SMARCD1: variants seen among roughly 807,000 people sequenced by gnomAD.
SMARCD1 encodes the protein SWI/SNF-related matrix-associated actin-dependent regulator of chromatin subfamily D member 1.
A neutral mutation model predicts 70.8 loss-of-function variants in SMARCD1; 16 were observed. The ratio of observed to expected loss-of-function variants is 0.23; its 90% confidence interval spans 0.15 to 0.34. The LOEUF (loss-of-function observed/expected upper bound fraction) is 0.34, where lower values mean the gene tolerates loss of function less well. Among genes scored for constraint, SMARCD1 ranks in the 10% least tolerant of loss-of-function variants. The pLI is 1.00. For synonymous variants in SMARCD1, 249 were observed against 246.0 expected (o/e 1.01, Z -0.11); for missense variants, 409 against 655.5 (o/e 0.62, Z 4.11).
intron 5 of SMARCD1, among the ~76,000 whole-genome samples, chr12:50,087,803 C>T (rs1950805059): frequency 6.6e-6 from 1 of 151,624 alleles, no homozygotes; most frequent in South Asian, 2.1e-4. Flanking sequence ...CGAGTTTGCA[C>T]TTAATTTGAG....
intron 9 of SMARCD1, among the ~76,000 whole-genome samples, chr12:50,093,623 C>T (rs1430558201): frequency 6.6e-6 from 1 of 152,058 alleles, no homozygotes; most frequent in Non-Finnish European, 1.5e-5. Flanking sequence ...GCTGGGACCA[C>T]AGATGTGTGC....
intron 2 of SMARCD1, 69 bp from the exon 3 acceptor site, chr12:50,086,552 T>C: frequency 1.3e-6 from 2 of 1,491,176 alleles, no homozygotes; most frequent in South Asian, 2.3e-5. Flanking sequence ...TAAATGGACG[T>C]GCTGACAGCT....
intron 1 of SMARCD1, 33 bp from the exon 2 acceptor site, chr12:50,086,128 C>T: frequency 6.9e-7 from 1 of 1,441,272 alleles, no homozygotes; most frequent in East Asian, 2.4e-5. Flanking sequence ...GCAGGTGAAA[C>T]CATGACATCT....
At chr12:50,090,984 C>T (rs1298203645) in intron 9 of SMARCD1, among the ~76,000 whole-genome samples, 1 of 151,910 alleles carries the variant, frequency 6.6e-6, no homozygotes. Flanking sequence ...GTCACCACAC[C>T]TGGCTAATTT....
At chr12:50,095,657 T>C (rs952130078) in intron 10 of SMARCD1, among the ~76,000 whole-genome samples, 1 of 152,016 alleles carries the variant, frequency 6.6e-6, no homozygotes, top group Non-Finnish European at 1.5e-5. Flanking sequence ...AAAGTGGGTG[T>C]TAATGAAAGG....
At chr12:50,085,660 T>G in intron 1 of SMARCD1, 114 bp downstream of exon 1, 2 of 319,344 alleles carry the variant, frequency 6.3e-6, no homozygotes, top group African/African-American at 2.7e-5. Context: ...GGGTTCGGGC[T>G]CTGGGTGGGG....
chr12:50,090,249 G>C lies in SMARCD1; in HGVS notation c.882G>C (p.Gln294His), dbSNP rs778155149. 1 of 1,612,058 alleles carries C rather than the reference G, an allele frequency of 6.2e-7. No individual in the cohort carries two copies. The highest frequency in any genetic ancestry group is 8.5e-7 in the Non-Finnish European group (1 of 1,179,112). ...ACTTTGGTTCCCTGCAGCCTCCCCA[G>C]TTTAAATTAGACCCCCGCCTAGCTC... ...VLLMLDYQPPQFKLDPRLARL... is the reference protein window; with the variant it reads ...VLLMLDYQPPHFKLDPRLARL... Residue 294 changes from glutamine (Q) to histidine (H), a missense_variant, in exon 8 of 13, where the codon CAG becomes CAC. Physicochemically the swap from Gln to His is conservative, Grantham distance 24. Transcript: ENST00000394963.
At chr12:50,098,678 C>T (rs765639320) in intron 11 of SMARCD1, 36 bp from the exon 12 acceptor site, 14 of 1,524,004 alleles carry the variant, frequency 9.2e-6, no homozygotes, top group Non-Finnish European at 1.2e-5. Flanking sequence ...CTTTTCTCCT[C>T]TCTCTTCCTC....
intron 5 of SMARCD1, 132 bp downstream of exon 5, chr12:50,087,617 T>A (rs1163071867): frequency 4.7e-6 from 5 of 1,060,508 alleles, no homozygotes; most frequent in Non-Finnish European, 5.5e-6. Context: ...GGGACACTGT[T>A]CCCTGCACTG....
rs759428937 is a variant in SMARCD1, at chr12:50,086,797, C to T, written c.450C>T (p.Leu150=). The T allele has an allele frequency of 4.3e-6, 7 of 1,613,900 alleles. No individual in the cohort carries two copies. Among genetic ancestry groups the T allele is most frequent in the Admixed American group, 1.7e-5 (1 of 59,980 alleles). ...CAGAATCCCAGGCCTATATGGATCT[C>T]TTGGCTTTTGAAAGGAAACTGGACC... The part of the protein sequence containing the change: ...LVPESQAYMD[L]LAFERKLDQT... Residue 150 remains leucine, a synonymous_variant, in exon 4 of 13, where the codon CTC becomes CTT. Coordinates refer to ENST00000394963, the MANE Select transcript of SMARCD1 (RefSeq NM_003076.5).
rs1950922152 is a variant in SMARCD1 at position 50,099,659 on chromosome 12, G to A, written c.*659G>A. 1.3e-5 allele frequency: 3 copies of A among 235,644 alleles called. No homozygotes were observed. Among genetic ancestry groups the A allele is most frequent in the Non-Finnish European group, 2.4e-5 (3 of 122,662 alleles). The allele number at this position is 235,644 out of a possible 1,614,324, so 14.6% of individuals were successfully genotyped here. On this transcript the variant is annotated 3_prime_UTR_variant, in exon 13 of 13. Coordinates refer to ENST00000394963, the MANE Select transcript of SMARCD1 (RefSeq NM_003076.5). ...CAGTATTGGAGTTTTGTTCTTTATTGCTCCCTCCCAGACACTCCCTGTGGC... is the reference window on the plus strand; with the variant it reads ...CAGTATTGGAGTTTTGTTCTTTATTACTCCCTCCCAGACACTCCCTGTGGC...
intron 6 of SMARCD1, 41 bp from the exon 7 acceptor site, chr12:50,089,843 T>C: frequency 7.9e-7 from 1 of 1,260,170 alleles, no homozygotes; most frequent in African/African-American, 1.5e-5. Flanking sequence ...ACCCCAGCTC[T>C]TCCTCTGGGA....
At chr12:50,088,706 T>G (rs765256322) in intron 6 of SMARCD1, 69 bp downstream of exon 6, 11 of 852,498 alleles carry the variant, frequency 1.3e-5, no homozygotes, top group Non-Finnish European at 1.9e-5. Context: ...CGTATTTTAA[T>G]GTCTAAGGAG....
intron 9 of SMARCD1, among the ~76,000 whole-genome samples, chr12:50,091,449 A>G (rs2137887625): frequency 1.3e-5 from 2 of 148,354 alleles, no homozygotes; most frequent in Middle Eastern, 7.2e-3. Context: ...CTAATTTTGT[A>G]TTTTTAGTAG....
intron 10 of SMARCD1, 149 bp from the exon 11 acceptor site, chr12:50,096,701 G>A: frequency 1.6e-6 from 1 of 626,152 alleles, no homozygotes; most frequent in Non-Finnish European, 2.8e-6. Flanking sequence ...CCAAGGGTCG[G>A]AGCAGTTGGA....
Position 50,099,717 on chromosome 12 carries a change from T to G in SMARCD1, c.*717T>G. 1.2e-5 allele frequency: 2 copies of G among 170,236 alleles called. No homozygotes were observed. The highest frequency in any genetic ancestry group is 2.0e-4 in the South Asian group (1 of 4,968). 10.5% of individuals were successfully genotyped at this position (170,236 alleles called of 1,614,324 possible). On this transcript the variant is annotated 3_prime_UTR_variant, in exon 13 of 13. Coordinates refer to ENST00000394963, the MANE Select transcript of SMARCD1 (RefSeq NM_003076.5). ...TGTGATTCCCTCAGATCTGCCCTAA[T>G]CCCGGGCATTTGGGTGGGGGAATCT...
Position 50,087,252 on chromosome 12 carries a change from G to A in SMARCD1, c.532-111G>A, listed in dbSNP as rs144686631. Reference sequence around the variant, plus strand: ...CTTCATCCACCCACCCAAGGGACTGGGTAGACAGTAAGCCAGTCTGTTAGG... The same window carrying A: ...CTTCATCCACCCACCCAAGGGACTGAGTAGACAGTAAGCCAGTCTGTTAGG... On this transcript the variant is annotated intron_variant, in intron 4 of 12. Coordinates refer to ENST00000394963, the MANE Select transcript of SMARCD1 (RefSeq NM_003076.5). 1.2e-3 allele frequency: 1,611 copies of A among 1,311,750 alleles called. 29 individuals carry two copies. The East Asian group carries it at 0.032, about 26-fold the overall frequency. 81.3% of individuals were successfully genotyped at this position (1,311,750 alleles called of 1,614,324 possible). A position where few individuals can be genotyped will look rare whatever the true frequency, so the allele number is the denominator to read the frequency against.
Position 50,094,427 on chromosome 12 carries a change from T to C in SMARCD1, c.1134-10T>C. The C allele has an allele frequency of 6.2e-7, 1 of 1,612,284 alleles. No homozygotes were observed. Among genetic ancestry groups the C allele is most frequent in the Non-Finnish European group, 8.5e-7 (1 of 1,179,312 alleles). ...AGCTCTTTACCAGGCTCCTTTGGTT[T>C]CCTGTCCAGTGTTGACCCGAATGAT... On this transcript the variant is annotated splice_polypyrimidine_tract_variant and intron_variant, in intron 9 of 12. Coordinates refer to ENST00000394963, the MANE Select transcript of SMARCD1 (RefSeq NM_003076.5).
chr12:50,094,984 G>C (rs565441276), intron 10 of SMARCD1, among the ~76,000 whole-genome samples: 1 of 152,120 alleles, frequency 6.6e-6, no homozygotes, highest in Non-Finnish European at 1.5e-5. Flanking sequence ...TTTTAGTAGA[G>C]ACGAGGTTTC....
Sources: gnomAD v4.1 joint callset for allele counts (sites outside exome capture counted in the v4.1 genomes callset) on GRCh38, gnomAD v4.1.1 for gene constraint, MANE v1.5 for transcripts, NCBI Gene and HGNC (gene_info 2026-07-23, HGNC 2026-07-21) for gene names.